The following DPYD variants were observed in gnomAD, a reference collection of about 807,000 sequenced individuals.
DPYD encodes the protein dihydropyrimidine dehydrogenase, also known as dihydropyrimidine dehydrogenase [NADP(+)].
DPYD carries 109 observed loss-of-function variants against 116.2 expected under a neutral mutation model. The observed-to-expected ratio is 0.94, with a 90% CI of 0.80 to 1.10. DPYD has a LOEUF of 1.10. DPYD is among the 50% of genes least tolerant of loss of function. The pLI is 0.00. For synonymous variants in DPYD, 440 were observed against 432.0 expected (o/e 1.02, Z -0.23); for missense variants, 1,302 against 1,254.5 (o/e 1.04, Z -0.57).
chr1:97,866,248 G>A lies in DPYD; in HGVS notation c.150+17016C>T, dbSNP rs138823314. On this transcript the variant is annotated intron_variant, in intron 2 of 22. Coordinates refer to ENST00000370192, the MANE Select transcript of DPYD (RefSeq NM_000110.4). ...GTTCAGTTGAGAGATGCCACAGGAC[G>A]GCTCGTGCAGAGCAATTACTCATGT... Among the ~76,000 whole-genome samples, 100 of 152,024 alleles carry A rather than the reference G, an allele frequency of 6.6e-4. 1 individual carries two copies. The East Asian group carries it at 0.016, about 25-fold the overall frequency.
intron 4 of DPYD, among the ~76,000 whole-genome samples, chr1:97,735,621 G>C (rs1394744765): frequency 6.6e-6 from 1 of 151,056 alleles, no homozygotes; most frequent in East Asian, 1.9e-4. Flanking sequence ...CCGGGAGGCG[G>C]AGCTTGCAGT....
At chr1:97,292,668 G>A (rs1666274762) in intron 18 of DPYD, among the ~76,000 whole-genome samples, 1 of 151,546 alleles carries the variant, frequency 6.6e-6, no homozygotes, top group Non-Finnish European at 1.5e-5. Context: ...AATGTACAAG[G>A]AACAAACACC....
chr1:97,209,721 C>A (rs1245661659), intron 19 of DPYD, among the ~76,000 whole-genome samples: 1 of 152,064 alleles, frequency 6.6e-6, no homozygotes, highest in Non-Finnish European at 1.5e-5. Flanking sequence ...TAAAGCATGA[C>A]AACTGAAATC....
At chr1:97,429,365 T>C (rs1675046063) in intron 14 of DPYD, among the ~76,000 whole-genome samples, 1 of 152,112 alleles carries the variant, frequency 6.6e-6, no homozygotes. Flanking sequence ...CAATAGTGTA[T>C]CTGTAAATAA....
At chr1:97,562,054 T>C (rs188477469) in intron 11 of DPYD, among the ~76,000 whole-genome samples, 3 of 152,352 alleles carry the variant, frequency 2.0e-5, no homozygotes, top group African/African-American at 7.2e-5. Flanking sequence ...GTATTCATTT[T>C]TGTGAACTTT....
At chr1:97,672,282 T>G (rs970202345) in intron 8 of DPYD, among the ~76,000 whole-genome samples, 1 of 152,178 alleles carries the variant, frequency 6.6e-6, no homozygotes, top group Non-Finnish European at 1.5e-5. Flanking sequence ...CATTGCCTGC[T>G]TCTGCAGATT....
chr1:97,663,473 T>C (rs185668181), intron 8 of DPYD, among the ~76,000 whole-genome samples: 2 of 152,328 alleles, frequency 1.3e-5, no homozygotes, highest in Admixed American at 1.3e-4. Context: ...CTTATGTTTG[T>C]TTCCTGCTCT....
At chr1:97,379,284 A>G (rs1671804206) in intron 15 of DPYD, among the ~76,000 whole-genome samples, 2 of 152,222 alleles carry the variant, frequency 1.3e-5, no homozygotes, top group South Asian at 4.1e-4. Flanking sequence ...GCAGGGGCCA[A>G]GTAGCACTTA....
intron 5 of DPYD, among the ~76,000 whole-genome samples, chr1:97,710,655 A>C (rs1018790403): frequency 6.6e-6 from 1 of 151,762 alleles, no homozygotes; most frequent in Non-Finnish European, 1.5e-5. Flanking sequence ...ATATTCTTTC[A>C]TTCAATTTCC....
intron 12 of DPYD, among the ~76,000 whole-genome samples, chr1:97,535,067 C>T (rs1198446617): frequency 6.6e-6 from 1 of 152,016 alleles, no homozygotes; most frequent in East Asian, 1.9e-4. Flanking sequence ...ACCAAAAAGG[C>T]AACATGATAT....
At chr1:97,519,636 T>C (rs753004810) in intron 12 of DPYD, among the ~76,000 whole-genome samples, 9 of 152,178 alleles carry the variant, frequency 5.9e-5, no homozygotes, top group African/African-American at 7.2e-5. Flanking sequence ...GACTATCTAC[T>C]TTAAAAGCTT....
At chr1:97,430,737 T>A (rs558621062) in intron 14 of DPYD, among the ~76,000 whole-genome samples, 1 of 152,186 alleles carries the variant, frequency 6.6e-6, no homozygotes, top group African/African-American at 2.4e-5. Context: ...GAGTCTTATA[T>A]GCACATAATT....
intron 2 of DPYD, among the ~76,000 whole-genome samples, chr1:97,877,266 G>C (rs1027581100): frequency 8.6e-5 from 13 of 151,986 alleles, no homozygotes; most frequent in African/African-American, 2.9e-4. Flanking sequence ...ATGGTGACCA[G>C]TGGGAAGATG....
At chr1:97,424,518 C>T (rs1029564491) in intron 14 of DPYD, among the ~76,000 whole-genome samples, 4 of 152,018 alleles carry the variant, frequency 2.6e-5, no homozygotes. Flanking sequence ...AAGAATGTCA[C>T]CAGAATCACA....
intron 14 of DPYD, among the ~76,000 whole-genome samples, chr1:97,431,379 G>T (rs1675168783): frequency 6.6e-6 from 1 of 152,136 alleles, no homozygotes; most frequent in Admixed American, 6.5e-5. Context: ...CTTTTAAAAT[G>T]ATGGCCAAGG....
At chr1:97,578,312 C>T (rs1277791219) in intron 10 of DPYD, among the ~76,000 whole-genome samples, 2 of 151,792 alleles carry the variant, frequency 1.3e-5, no homozygotes, top group African/African-American at 4.8e-5. Flanking sequence ...GTTATGACAC[C>T]CATATATTTG....
Position 97,828,103 on chromosome 1 carries a change from C to T in DPYD, c.233+11G>A, listed in dbSNP as rs2101479570. On this transcript the variant is annotated intron_variant, in intron 3 of 22. Coordinates refer to ENST00000370192, the MANE Select transcript of DPYD (RefSeq NM_000110.4). ...ACATCTGTGACTGTTGCTATGGTGACCCAGACTTACCTCATTGCTTCTCGG... is the reference window on the plus strand; with the variant it reads ...ACATCTGTGACTGTTGCTATGGTGATCCAGACTTACCTCATTGCTTCTCGG... 6.2e-7 allele frequency: 1 copy of T among 1,613,164 alleles called. No homozygotes were observed. The highest frequency in any genetic ancestry group is 8.5e-7 in the Non-Finnish European group (1 of 1,179,422).
intron 16 of DPYD, among the ~76,000 whole-genome samples, chr1:97,337,342 T>C (rs772987073): frequency 1.9e-4 from 29 of 152,260 alleles, no homozygotes; most frequent in Non-Finnish European, 3.7e-4. Flanking sequence ...CAGAAACAAA[T>C]ATTCCCAGGT....
At chr1:97,337,659 T>C (rs1267839721) in intron 16 of DPYD, among the ~76,000 whole-genome samples, 1 of 53,168 alleles carries the variant, frequency 1.9e-5, no homozygotes, top group Non-Finnish European at 7.1e-5. Context: ...CACATTTTTT[T>C]TTTTTTTTTT....
Sources: allele counts gnomAD v4.1 joint callset (sites outside exome capture counted in the v4.1 genomes callset), GRCh38; gene constraint gnomAD v4.1.1; transcripts MANE v1.5; gene names NCBI Gene and HGNC (gene_info 2026-07-23, HGNC 2026-07-21).